Variants in SMPD3 observed in about 807,000 individuals in gnomAD.
SMPD3 encodes sphingomyelin phosphodiesterase 3.
In SMPD3, 21 loss-of-function variants were observed where a neutral mutation model predicts 55.7. The ratio of observed to expected loss-of-function variants is 0.38; its 90% CI spans 0.27 to 0.54. The LOEUF (loss-of-function observed/expected upper bound fraction) is 0.54. Ranked by LOEUF, SMPD3 falls within the 20% of genes least tolerant of loss-of-function variation. The pLI, the probability that SMPD3 is intolerant of heterozygous loss-of-function variation, is 0.80. For synonymous variants in SMPD3, 457 were observed against 404.3 expected (o/e 1.13, Z -1.56); for missense variants, 842 against 899.6 (o/e 0.94, Z 0.82).
intron 2 of SMPD3, among the ~76,000 whole-genome samples, chr16:68,374,733 C>A (rs923342423): frequency 2.0e-5 from 3 of 152,228 alleles, no homozygotes; most frequent in Admixed American, 2.0e-4. Flanking sequence ...GGTTCCCCCC[C>A]AGCAAACCTG....
chr16:68,397,038 C>T (rs1410195643), intron 1 of SMPD3, among the ~76,000 whole-genome samples: 1 of 152,158 alleles, frequency 6.6e-6, no homozygotes, highest in Non-Finnish European at 1.5e-5. Context: ...TATTATTGAT[C>T]CCGTACTCAG....
At chr16:68,387,676 C>A (rs1183353119) in intron 1 of SMPD3, among the ~76,000 whole-genome samples, 2 of 152,256 alleles carry the variant, frequency 1.3e-5, no homozygotes, top group Non-Finnish European at 2.9e-5. Flanking sequence ...ACAGCCAGGG[C>A]TGTCCTTGCA....
At position 68,372,335 on chromosome 16, in the gene SMPD3, G is replaced by C. The variant is rs1197280296; in HGVS notation, c.-154C>G. ...TCCGGCTGGTCAATGGCGAATGTTG[G>C]CCAGCCGGTCATGGTTCACCTCGGT... On this transcript the variant is annotated 5_prime_UTR_variant, in exon 3 of 9. Transcript: ENST00000219334. 9.9e-7 allele frequency: 1 copy of C among 1,008,300 alleles called. No homozygotes were observed. Among genetic ancestry groups the C allele is most frequent in the African/African-American group, 1.6e-5 (1 of 62,262 alleles). 62.5% of individuals were successfully genotyped at this position (1,008,300 alleles called of 1,614,324 possible).
chr16:68,407,047 T>A lies in SMPD3; in HGVS notation c.-268-20388A>T, dbSNP rs150423219. Among the ~76,000 whole-genome samples the A allele has an allele frequency of 9.9e-4, 150 of 152,268 alleles. 2 individuals are homozygous for A. In the East Asian group the frequency reaches 0.027, roughly 27 times the overall value. On this transcript the variant is annotated intron_variant, in intron 1 of 8. Coordinates refer to ENST00000219334, the MANE Select transcript of SMPD3 (RefSeq NM_018667.4). ...GTCTTTAGATTCCTGCTCAGTAAGA[T>A]TGGGACGTGGGGCCAGAAATAGGGC...
At chr16:68,443,999 A>G (rs1156438672) in intron 1 of SMPD3, among the ~76,000 whole-genome samples, 1 of 152,190 alleles carries the variant, frequency 6.6e-6, no homozygotes, top group East Asian at 1.9e-4. Flanking sequence ...AGGATTAAAT[A>G]CATTCTTACA....
intron 7 of SMPD3, among the ~76,000 whole-genome samples, chr16:68,361,982 G>A (rs1054965063): frequency 1.3e-5 from 2 of 152,188 alleles, no homozygotes; most frequent in South Asian, 2.1e-4. Flanking sequence ...GGAGCCCGTC[G>A]AAGTGTTCTG....
chr16:68,377,578 TG>T (rs1225455160), intron 2 of SMPD3, among the ~76,000 whole-genome samples: 1 of 152,148 alleles, frequency 6.6e-6, no homozygotes, highest in Non-Finnish European at 1.5e-5. Flanking sequence ...CCCTAGACAC[TG>T]GCCTGAGGGC....
At chr16:68,399,676 C>A (rs146507884) in intron 1 of SMPD3, among the ~76,000 whole-genome samples, 306 of 152,328 alleles carry the variant, frequency 2.0e-3, no homozygotes, top group Middle Eastern at 6.8e-3. Flanking sequence ...TCAGACCCCC[C>A]ACTGGCCATT....
chr16:68,363,352 C>CA (rs1367745342), intron 7 of SMPD3, 144 bp downstream of exon 7: 2 of 916,846 alleles, frequency 2.2e-6, no homozygotes, highest in Admixed American at 2.0e-5. Context: ...CAAAAGCTCT[C>CA]AAAGGTGAGA....
intron 2 of SMPD3, among the ~76,000 whole-genome samples, chr16:68,375,725 G>A (rs921832680): frequency 1.3e-5 from 2 of 152,196 alleles, no homozygotes; most frequent in African/African-American, 4.8e-5. Context: ...ATGGTAGTGA[G>A]TGGCCAGTCC....
chr16:68,375,634 T>TC (rs764759457), intron 2 of SMPD3, among the ~76,000 whole-genome samples: 3 of 116,180 alleles, frequency 2.6e-5, no homozygotes, highest in Non-Finnish European at 3.8e-5. Context: ...AGAGACTCTC[T>TC]CCTCAGCTGC....
intron 2 of SMPD3, among the ~76,000 whole-genome samples, chr16:68,382,928 A>AC (rs2089979232): frequency 6.6e-6 from 1 of 151,686 alleles, no homozygotes; most frequent in Non-Finnish European, 1.5e-5. Context: ...TGCAACCTCC[A>AC]CCCCCCACTG....
At chr16:68,409,603 G>GT (rs1048342051) in intron 1 of SMPD3, among the ~76,000 whole-genome samples, 1 of 151,818 alleles carries the variant, frequency 6.6e-6, no homozygotes, top group African/African-American at 2.4e-5. Context: ...ATCATGATTG[G>GT]TTTTTTTTGA....
chr16:68,444,784 G>T (rs148446832), intron 1 of SMPD3, among the ~76,000 whole-genome samples: 2 of 152,302 alleles, frequency 1.3e-5, no homozygotes, highest in Non-Finnish European at 2.9e-5. Context: ...AATTTATGAG[G>T]CAATTTAGCT....
At chr16:68,369,868 C>G (rs966670412) in intron 3 of SMPD3, 10 of 152,272 alleles carry the variant, frequency 6.6e-5, no homozygotes, top group African/African-American at 2.2e-4. Context: ...TTTCCCTGGG[C>G]AGGCGGAGTG....
chr16:68,394,684 ATTAT>A (rs1187675339), intron 1 of SMPD3, among the ~76,000 whole-genome samples: 3 of 152,218 alleles, frequency 2.0e-5, no homozygotes. Context: ...GCAGGTTCTG[ATTAT>A]TTATCATTTA....
rs1281849835 is a variant in SMPD3, at chr16:68,359,828, G to C, written c.*1378C>G. 6.6e-6 allele frequency: 1 copy of C among 152,532 alleles called. No homozygotes were observed. Among genetic ancestry groups the C allele is most frequent in the Non-Finnish European group, 1.5e-5 (1 of 68,158 alleles). 9.4% of individuals were successfully genotyped at this position (152,532 alleles called of 1,614,324 possible). On this transcript the variant is annotated 3_prime_UTR_variant, in exon 9 of 9. Transcript: ENST00000219334. ...CAGCCCTGGAGTCTCTTAAAGGCAG[G>C]TGGGCAGAGGCAGTGCTGCCGAAGG...
chr16:68,391,060 G>A (rs189940923), intron 1 of SMPD3, among the ~76,000 whole-genome samples: 5 of 152,350 alleles, frequency 3.3e-5, no homozygotes, highest in Middle Eastern at 6.8e-3. Flanking sequence ...AGACAAAGCT[G>A]TAGTTCGTCA....
intron 1 of SMPD3, among the ~76,000 whole-genome samples, chr16:68,388,946 T>A (rs1194726970): frequency 6.6e-6 from 1 of 151,898 alleles, no homozygotes; most frequent in Non-Finnish European, 1.5e-5. Context: ...ATGGGAAAAA[T>A]TCAATCAGAG....
Sources: gnomAD v4.1 joint callset for allele counts (sites outside exome capture counted in the v4.1 genomes callset) on GRCh38, gnomAD v4.1.1 for gene constraint, MANE v1.5 for transcripts, NCBI Gene and HGNC (gene_info 2026-07-23, HGNC 2026-07-21) for gene names.